ATF6: variants seen among roughly 807,000 people sequenced by gnomAD.
The protein encoded by ATF6 is cyclic AMP-dependent transcription factor ATF-6 alpha.
Under a neutral mutation model 83.6 loss-of-function variants are expected in ATF6, and 53 were observed. That is an observed-to-expected ratio of 0.63 (90% CI 0.51 to 0.80). ATF6 has a LOEUF of 0.80. Ranked by LOEUF, ATF6 falls within the 30% of genes least tolerant of loss-of-function variation. The pLI, the probability that ATF6 is intolerant of heterozygous loss-of-function variation, is 0.00. For missense variants in ATF6, 744 were observed against 797.9 expected (o/e 0.93, Z 0.81); for synonymous variants, 288 against 285.8 (o/e 1.01, Z -0.08).
intron 10 of ATF6, among the ~76,000 whole-genome samples, chr1:161,849,764 A>G (rs1030685318): frequency 6.6e-6 from 1 of 152,122 alleles, no homozygotes; most frequent in Non-Finnish European, 1.5e-5. Context: ...TTATGTTTTC[A>G]GTCCAGACTT....
chr1:161,832,263 G>C (rs896088209), intron 9 of ATF6, among the ~76,000 whole-genome samples: 1 of 152,166 alleles, frequency 6.6e-6, no homozygotes, highest in Non-Finnish European at 1.5e-5. Flanking sequence ...ACAATGACCA[G>C]GTTAAGACAG....
intron 14 of ATF6, among the ~76,000 whole-genome samples, chr1:161,868,422 G>A (rs1039499430): frequency 6.6e-6 from 1 of 151,988 alleles, no homozygotes; most frequent in African/African-American, 2.4e-5. Flanking sequence ...CTTAGTAAGT[G>A]TGCATTAAAT....
chr1:161,920,292 C>CTTTTTTTTTTTTTTTT (rs1322896918), intron 15 of ATF6, among the ~76,000 whole-genome samples: 14 of 19,796 alleles, frequency 7.1e-4, no homozygotes, highest in East Asian at 9.3e-4. Flanking sequence ...CTCTCTCTCT[C>CTTTTTTTTTTTTTTTT]TCTTTTTTTT....
intron 8 of ATF6, 47 bp downstream of exon 8, chr1:161,819,865 C>G (rs1225488046): frequency 2.1e-6 from 3 of 1,455,036 alleles, no homozygotes; most frequent in Non-Finnish European, 2.8e-6. Context: ...AAAGTATCCT[C>G]TGGATTAATA....
At chr1:161,857,989 C>T (rs533481345) in intron 12 of ATF6, among the ~76,000 whole-genome samples, 1 of 152,286 alleles carries the variant, frequency 6.6e-6, no homozygotes, top group Admixed American at 6.5e-5. Context: ...CCTATAATCT[C>T]AGCTACTAGG....
At chr1:161,812,531 TAC>T (rs1481004498) in intron 7 of ATF6, among the ~76,000 whole-genome samples, 4 of 150,364 alleles carry the variant, frequency 2.7e-5, no homozygotes, top group African/African-American at 9.7e-5. Context: ...TAGCTGGGAC[TAC>T]AGGCGCCCGC....
chr1:161,841,477 C>G (rs1686357151), intron 9 of ATF6, among the ~76,000 whole-genome samples: 1 of 151,838 alleles, frequency 6.6e-6, no homozygotes, highest in Non-Finnish European at 1.5e-5. Flanking sequence ...ATAATAACAA[C>G]CAAAAACAAA....
intron 9 of ATF6, among the ~76,000 whole-genome samples, chr1:161,844,679 A>G (rs1046422085): frequency 2.1e-4 from 32 of 152,272 alleles, no homozygotes; most frequent in African/African-American, 7.2e-4. Context: ...TACTTTCATA[A>G]TTAGAATTTT....
At chr1:161,887,116 T>C (rs141642965) in intron 14 of ATF6, among the ~76,000 whole-genome samples, 339 of 151,918 alleles carry the variant, frequency 2.2e-3, no homozygotes, top group African/African-American at 7.9e-3. Flanking sequence ...TTGTCACCCA[T>C]ACTGGAGTGC....
At chr1:161,911,370 A>G (rs533599437) in intron 14 of ATF6, among the ~76,000 whole-genome samples, 1 of 152,330 alleles carries the variant, frequency 6.6e-6, no homozygotes, top group African/African-American at 2.4e-5. Flanking sequence ...TCAAAGTCAT[A>G]AGTCATTTAT....
At chr1:161,793,721 T>C (rs1216881646) in intron 6 of ATF6, among the ~76,000 whole-genome samples, 1 of 152,222 alleles carries the variant, frequency 6.6e-6, no homozygotes, top group Non-Finnish European at 1.5e-5. Flanking sequence ...TAGCAGATCA[T>C]TGACTATGTT....
At chr1:161,889,974 T>C (rs971308762) in intron 14 of ATF6, among the ~76,000 whole-genome samples, 74 of 152,368 alleles carry the variant, frequency 4.9e-4, no homozygotes, top group African/African-American at 1.8e-3. Context: ...ATACACCCTT[T>C]ATGCAGATAT....
chr1:161,785,007 A>G (rs564241271), intron 4 of ATF6, among the ~76,000 whole-genome samples: 123 of 152,332 alleles, frequency 8.1e-4, no homozygotes, highest in African/African-American at 2.9e-3. Flanking sequence ...TTAAATTCCC[A>G]GAGTACTAGG....
At chr1:161,836,762 G>A (rs1686227356) in intron 9 of ATF6, among the ~76,000 whole-genome samples, 1 of 152,190 alleles carries the variant, frequency 6.6e-6, no homozygotes, top group Non-Finnish European at 1.5e-5. Flanking sequence ...GAGCATCCTA[G>A]TGGCTTTACC....
rs1038753353 is a variant in ATF6 at position 161,819,796 on chromosome 1, A to C, written c.1073A>C (p.Gln358Pro). ...LKKENGTLKR[Q>P]LDEVVSENQR... Reference sequence around the variant, plus strand: ...AAAGAAAATGGAACACTGAAGCGGCAGCTGGATGAAGTTGTGTCAGAGGTA... The same window carrying C: ...AAAGAAAATGGAACACTGAAGCGGCCGCTGGATGAAGTTGTGTCAGAGGTA... The change falls in exon 8 of 16, where the codon CAG (glutamine) becomes CCG (proline). Residue 358 changes from glutamine (Q) to proline (P), a missense_variant. Gln to Pro is a moderately conservative substitution (Grantham distance 76). Transcript: ENST00000367942. 3.1e-6 allele frequency: 5 copies of C among 1,609,582 alleles called. No homozygotes were observed. Among genetic ancestry groups the C allele is most frequent in the Non-Finnish European group, 3.4e-6 (4 of 1,178,000 alleles).
At chr1:161,893,350 G>A (rs1467654819) in intron 14 of ATF6, among the ~76,000 whole-genome samples, 1 of 151,836 alleles carries the variant, frequency 6.6e-6, no homozygotes, top group Non-Finnish European at 1.5e-5. Context: ...ATTTTTAGTA[G>A]AGACGGGGTT....
chr1:161,955,746 C>A (rs140040775), intron 15 of ATF6, among the ~76,000 whole-genome samples: 118 of 152,310 alleles, frequency 7.7e-4, no homozygotes, highest in Admixed American at 2.5e-3. Context: ...CTGAACTATC[C>A]AGCTTGTCAC....
chr1:161,788,051 C>T (rs1217136656), intron 4 of ATF6, among the ~76,000 whole-genome samples: 3 of 152,144 alleles, frequency 2.0e-5, no homozygotes, highest in Non-Finnish European at 4.4e-5. Context: ...CCCTTGCGGA[C>T]CCATGTGAGA....
intron 2 of ATF6, among the ~76,000 whole-genome samples, chr1:161,780,530 C>T (rs867800533): frequency 2.3e-4 from 35 of 151,904 alleles, no homozygotes; most frequent in African/African-American, 4.4e-4. Context: ...CCCGCCACCA[C>T]GCCCGGCTAA....
Sources: allele counts gnomAD v4.1 joint callset (sites outside exome capture counted in the v4.1 genomes callset), GRCh38; gene constraint gnomAD v4.1.1; transcripts MANE v1.5; gene names NCBI Gene and HGNC (gene_info 2026-07-23, HGNC 2026-07-21).